Variants in PCDHGA1 observed in about 807,000 individuals in gnomAD.
PCDHGA1 encodes the protein protocadherin gamma-A1.
PCDHGA1 carries 32 observed loss-of-function variants against 58.0 expected under a neutral mutation model. That is an observed-to-expected ratio of 0.55 (90% CI 0.42 to 0.74). The LOEUF (loss-of-function observed/expected upper bound fraction) is 0.74. PCDHGA1 is among the 30% of genes least tolerant of loss of function. PCDHGA1 has a pLI of 0.00. For missense variants in PCDHGA1, 1,205 were observed against 1,182.3 expected (o/e 1.02, Z -0.28); for synonymous variants, 498 against 501.1 (o/e 0.99, Z 0.08).
Position 141,485,967 on chromosome 5 carries a change from A to G in PCDHGA1, c.2422-8840A>G, listed in dbSNP as rs751904053. 2.5e-6 allele frequency: 4 copies of G among 1,614,194 alleles called. No individual in the cohort carries two copies. The South Asian group carries it at 4.4e-5, about 18-fold the overall frequency. On this transcript the variant is annotated intron_variant, in intron 1 of 3. Transcript: ENST00000517417. This position sits in a 1 kb window ranked among gnomAD's most constrained non-coding sequence, Gnocchi z 5.7. The stretch of plus-strand genomic sequence containing the variant: ...GCGGGCATGGTGCTCATCCAGCTCA[A>G]TGCCTCAGACCCGGACCTGGGTCCC...
At chr5:141,350,579 G>C (rs1172761775) in intron 1 of PCDHGA1, 4 of 1,613,906 alleles carry the variant, frequency 2.5e-6, no homozygotes, top group South Asian at 2.2e-5. Flanking sequence ...CGAAACGGTC[G>C]CTGAAAACCC....
chr5:141,381,197 G>A (rs775518407), intron 1 of PCDHGA1, among the ~76,000 whole-genome samples: 1 of 152,232 alleles, frequency 6.6e-6, no homozygotes, highest in African/African-American at 2.4e-5. Context: ...CTTTCTTAGT[G>A]TTAGTTCTGG....
Position 141,364,472 on chromosome 5 carries a change from A to G in PCDHGA1, c.2421+31367A>G, listed in dbSNP as rs375080558. On this transcript the variant is annotated intron_variant, in intron 1 of 3. Coordinates refer to ENST00000517417, the MANE Select transcript of PCDHGA1 (RefSeq NM_018912.3). ...GGACAAAGGCTCCTTCGTCGGCAAC[A>G]TAGCCAAGGACCTTGGGCTGGAGCC... is the stretch of plus-strand genomic sequence containing the variant. The G allele has an allele frequency of 5.6e-6, 9 of 1,614,038 alleles. No individual in the cohort carries two copies. Among genetic ancestry groups the G allele is most frequent in the South Asian group, 2.2e-5 (2 of 91,086 alleles).
intron 1 of PCDHGA1, chr5:141,390,568 C>T: frequency 2.4e-6 from 1 of 414,986 alleles, no homozygotes; most frequent in Non-Finnish European, 4.3e-6. Context: ...GTTGTTGGCT[C>T]TCTCCTAAAA....
At chr5:141,348,682 T>C (rs1292649439) in intron 1 of PCDHGA1, among the ~76,000 whole-genome samples, 1 of 152,156 alleles carries the variant, frequency 6.6e-6, no homozygotes, top group East Asian at 1.9e-4. Flanking sequence ...TTTATTTTTA[T>C]TTTTTTGAAG....
chr5:141,419,075 A>C (rs2096322774), intron 1 of PCDHGA1: 3 of 1,613,968 alleles, frequency 1.9e-6, no homozygotes, highest in South Asian at 1.1e-5. Flanking sequence ...CAAGCTAGTA[A>C]CAGATGAGGC....
intron 1 of PCDHGA1, among the ~76,000 whole-genome samples, chr5:141,492,095 CT>C (rs1047956109): frequency 6.6e-6 from 1 of 152,232 alleles, no homozygotes; most frequent in African/African-American, 2.4e-5. Context: ...CTTCGCCGGT[CT>C]GTAGATTTCC....
chr5:141,373,880 A>T, intron 1 of PCDHGA1: 1 of 466,736 alleles, frequency 2.1e-6, no homozygotes, highest in Non-Finnish European at 3.6e-6. Context: ...CAAGAAAATC[A>T]ACGGAAACTC....
intron 1 of PCDHGA1, chr5:141,374,635 C>A (rs759050511): frequency 3.7e-6 from 6 of 1,612,926 alleles, no homozygotes; most frequent in Non-Finnish European, 4.2e-6. Flanking sequence ...ACGTGCAAAG[C>A]GAAGCCCATG....
intron 1 of PCDHGA1, among the ~76,000 whole-genome samples, chr5:141,429,377 GT>G (rs566693637): frequency 1.3e-4 from 20 of 149,526 alleles, no homozygotes; most frequent in South Asian, 8.5e-4. Flanking sequence ...GAGAAAATGT[GT>G]TTTTTTTTTA....
chr5:141,343,954 C>T, intron 1 of PCDHGA1: 2 of 1,327,930 alleles, frequency 1.5e-6, no homozygotes, highest in Non-Finnish European at 2.0e-6. Context: ...TAAAAGACTT[C>T]GTTTCTTGAG....
At chr5:141,421,489 G>T (rs754141447) in intron 1 of PCDHGA1, 9 of 1,614,094 alleles carry the variant, frequency 5.6e-6, no homozygotes, top group Non-Finnish European at 7.6e-6. Context: ...CTTGATCACG[G>T]CAGGCAGGAT....
intron 1 of PCDHGA1, among the ~76,000 whole-genome samples, chr5:141,449,589 A>G (rs1196329432): frequency 7.6e-6 from 1 of 131,966 alleles, no homozygotes; most frequent in Non-Finnish European, 1.7e-5. Context: ...ACTCTGTCTC[A>G]AAAAAAAAAA....
At chr5:141,344,539 A>G (rs374690616) in intron 1 of PCDHGA1, 20 of 1,613,914 alleles carry the variant, frequency 1.2e-5, no homozygotes, top group Admixed American at 3.3e-5. Context: ...TCCCTGCAGA[A>G]CTACAAGCTT....
At chr5:141,444,002 C>T (rs2098413409) in intron 1 of PCDHGA1, among the ~76,000 whole-genome samples, 1 of 151,918 alleles carries the variant, frequency 6.6e-6, no homozygotes, top group African/African-American at 2.4e-5. Flanking sequence ...TAAATGCTAC[C>T]TGGGTATTGG....
intron 3 of PCDHGA1, among the ~76,000 whole-genome samples, chr5:141,505,942 G>A (rs2099849309): frequency 6.6e-6 from 1 of 152,192 alleles, no homozygotes; most frequent in African/African-American, 2.4e-5. Flanking sequence ...AAGCCCTCAA[G>A]CAATGAAAGT....
rs781289120 is a variant in PCDHGA1 at position 141,431,571 on chromosome 5, A to G, written c.2422-63236A>G. ...GTAGTCAACGCTACCGACCCTGACG[A>G]AGGAGTCAATGCGGAAGTGAGGTAT... is the stretch of plus-strand genomic sequence containing the variant. On this transcript the variant is annotated intron_variant, in intron 1 of 3. Transcript: ENST00000517417. The surrounding 1 kb of genome is among the most constrained non-coding windows in gnomAD (Gnocchi z 4.8). 6.2e-7 allele frequency: 1 copy of G among 1,614,144 alleles called. No homozygotes were observed. The highest frequency in any genetic ancestry group is 2.2e-5 in the East Asian group (1 of 44,882).
chr5:141,332,570 C>A lies in PCDHGA1; in HGVS notation c.1886C>A (p.Ala629Glu), dbSNP rs1245996830. 6.2e-7 allele frequency: 1 copy of A among 1,612,412 alleles called. No homozygotes were observed. Among genetic ancestry groups the A allele is most frequent in the African/African-American group, 1.3e-5 (1 of 74,996 alleles). ...VGLHTGEVRT[A>E]RALLDRDALK... ...CTGCACACGGGCGAGGTGCGCACGG[C>A]GCGAGCCCTGCTGGACAGAGACGCG... is the stretch of plus-strand genomic sequence containing the variant. Residue 629 changes from alanine to glutamate, a missense_variant, in exon 1 of 4, where the codon GCG becomes GAG. Coordinates refer to ENST00000517417, the MANE Select transcript of PCDHGA1 (RefSeq NM_018912.3). The surrounding 1 kb of genome is among the most constrained non-coding windows in gnomAD (Gnocchi z 4.6).
intron 1 of PCDHGA1, chr5:141,418,665 A>G: frequency 6.2e-7 from 1 of 1,614,070 alleles, no homozygotes; most frequent in Middle Eastern, 1.6e-4. Flanking sequence ...GCCACTGACC[A>G]GGACGAGGGC....
Sources: allele counts gnomAD v4.1 joint callset (sites outside exome capture counted in the v4.1 genomes callset), GRCh38; gene constraint gnomAD v4.1.1; non-coding constraint Gnocchi (gnomAD v3.1); transcripts MANE v1.5; gene names NCBI Gene and HGNC (gene_info 2026-07-23, HGNC 2026-07-21).